The following IL17D variants were observed in gnomAD, a reference collection of about 807,000 sequenced individuals.
IL17D encodes interleukin 17D, also known as interleukin-17D.
In IL17D, 10 loss-of-function variants were observed where a neutral mutation model predicts 5.7. The ratio of observed to expected loss-of-function variants is 1.75; its 90% CI spans 1.08 to 2.97. The LOEUF is 2.97. Ranked by LOEUF, IL17D falls within the 30% of genes most tolerant of loss-of-function variation. The pLI is 0.00. For missense variants in IL17D, 354 were observed against 292.7 expected (o/e 1.21, Z -1.53); for synonymous variants, 172 against 141.7 (o/e 1.21, Z -1.52).
Position 20,721,922 on chromosome 13 carries a change from C to A in IL17D, c.577C>A (p.Leu193Met). The A allele has an allele frequency of 6.2e-7, 1 of 1,602,818 alleles. No homozygotes were observed. Residue 193 changes from leucine to methionine, a missense_variant, in exon 2 of 2, where the codon CTG becomes ATG. Physicochemically the swap from Leu to Met is conservative, Grantham distance 15. Transcript: ENST00000682841. ...CGACAAACAGGGCGCCAAGCTCCTG[C>A]TGGGCCCCAACGACGCGCCCGCTGG... ...SIDKQGAKLL[L>M]GPNDAPAGP
At chr13:20,703,428 T>G, upstream of IL17D, 1 of 985,636 alleles carries the variant, frequency 1.0e-6, no homozygotes, top group African/African-American at 1.7e-5. Flanking sequence ...AGTCGGCTTC[T>G]CGGTCCGAGT....
chr13:20,720,218 C>T (rs1308996815), intron 1 of IL17D, among the ~76,000 whole-genome samples: 1 of 152,156 alleles, frequency 6.6e-6, no homozygotes, highest in Non-Finnish European at 1.5e-5. Context: ...ATTTGTTCTC[C>T]CTCCATGTGC....
At chr13:20,709,350 C>T (rs955326922) in intron 1 of IL17D, among the ~76,000 whole-genome samples, 1 of 152,084 alleles carries the variant, frequency 6.6e-6, no homozygotes, top group African/African-American at 2.4e-5. Flanking sequence ...GATATGTGTA[C>T]AAGGATATGT....
upstream of IL17D, chr13:20,701,922 G>A (rs1335648410): frequency 6.6e-6 from 1 of 152,134 alleles, no homozygotes; most frequent in Non-Finnish European, 1.5e-5. Flanking sequence ...CCGGGGGGGT[G>A]GTGAGGAAGA....
intron 1 of IL17D, among the ~76,000 whole-genome samples, chr13:20,707,702 T>G (rs2058601479): frequency 6.6e-6 from 1 of 152,076 alleles, no homozygotes; most frequent in Non-Finnish European, 1.5e-5. Context: ...TTTGTTTTGT[T>G]TTTTAGAGAT....
chr13:20,714,744 T>C (rs967580584), intron 1 of IL17D, among the ~76,000 whole-genome samples: 2 of 152,214 alleles, frequency 1.3e-5, no homozygotes, highest in Admixed American at 1.3e-4. Flanking sequence ...GATTTTTCCA[T>C]GTCCTGTTTC....
chr13:20,718,612 C>T lies in IL17D; in HGVS notation c.291-3024C>T, dbSNP rs555264356. On this transcript the variant is annotated intron_variant, in intron 1 of 1. Transcript: ENST00000682841. ...CCACACACCTGCCCACACTCAGACA[C>T]ACCTGCCCCCCACACACAGGCCCAC... Among the ~76,000 whole-genome samples the T allele has an allele frequency of 2.2e-3, 283 of 128,326 alleles. 2 individuals carry two copies. The highest frequency in any genetic ancestry group is 8.9e-3 in the African/African-American group (267 of 29,880). The allele number at this position is 128,326 out of a possible 152,430, so 84.2% of individuals were successfully genotyped here. A position where few individuals can be genotyped will look rare whatever the true frequency, so the allele number is the denominator to read the frequency against.
At chr13:20,710,560 C>T (rs911374273) in intron 1 of IL17D, among the ~76,000 whole-genome samples, 10 of 129,720 alleles carry the variant, frequency 7.7e-5, no homozygotes, top group Admixed American at 1.7e-4. Flanking sequence ...ACCTGGGAGG[C>T]GGAGGTTGCG....
intron 1 of IL17D, among the ~76,000 whole-genome samples, chr13:20,710,210 T>C (rs1342554220): frequency 1.3e-5 from 2 of 152,166 alleles, no homozygotes; most frequent in African/African-American, 4.8e-5. Flanking sequence ...ATAAAGTCAA[T>C]TGGGTTGCTC....
intron 1 of IL17D, among the ~76,000 whole-genome samples, chr13:20,707,337 G>A (rs2058598510): frequency 6.6e-6 from 1 of 151,118 alleles, no homozygotes; most frequent in African/African-American, 2.4e-5. Context: ...GTTTGCCTGT[G>A]GTCCCAGCTA....
At chr13:20,708,124 G>T (rs1020615892) in intron 1 of IL17D, among the ~76,000 whole-genome samples, 2 of 152,210 alleles carry the variant, frequency 1.3e-5, no homozygotes, top group Non-Finnish European at 2.9e-5. Context: ...TGTTGGCCAG[G>T]CTGGTCTCGA....
At chr13:20,708,613 TAAG>T (rs1023647705) in intron 1 of IL17D, among the ~76,000 whole-genome samples, 1 of 151,674 alleles carries the variant, frequency 6.6e-6, no homozygotes, top group African/African-American at 2.4e-5. Flanking sequence ...TAAAGTAAAA[TAAG>T]AAAAATACAA....
At chr13:20,703,169 G>T, upstream of IL17D, 1 of 548,146 alleles carries the variant, frequency 1.8e-6, no homozygotes, top group Non-Finnish European at 2.3e-6. Context: ...CTGAGCGCGC[G>T]ACCCCAGGCC....
intron 1 of IL17D, chr13:20,712,874 T>A (rs1176701346): frequency 6.6e-6 from 1 of 151,906 alleles, no homozygotes; most frequent in Non-Finnish European, 1.5e-5. Flanking sequence ...GGATGGGAGG[T>A]GCTTTTCTTT....
chr13:20,718,095 GGAAT>G (rs1042052932), intron 1 of IL17D, among the ~76,000 whole-genome samples: 5 of 152,124 alleles, frequency 3.3e-5, no homozygotes, highest in Non-Finnish European at 7.4e-5. Context: ...AGTCCACAGA[GGAAT>G]GCCTGACCCG....
upstream of IL17D, chr13:20,702,706 CG>C (rs1391827482): frequency 6.6e-6 from 1 of 152,268 alleles, no homozygotes; most frequent in African/African-American, 2.4e-5. Flanking sequence ...CCAACATCGT[CG>C]TCATAGACCA....
chr13:20,702,800 G>A (rs977022852), upstream of IL17D: 7 of 152,144 alleles, frequency 4.6e-5, no homozygotes, highest in African/African-American at 1.2e-4. Flanking sequence ...TAGAGGCACA[G>A]GATCATTTCA....
In IL17D at chr13:20,716,041, G is replaced by A. The variant is rs1362644385; in HGVS notation, c.291-5595G>A. 9 of 980,720 alleles carry A rather than the reference G, an allele frequency of 9.2e-6. No individual in the cohort carries two copies. The highest frequency in any genetic ancestry group is 7.0e-5 in the African/African-American group (4 of 57,104). The allele number at this position is 980,720 out of a possible 1,614,324, so 60.8% of individuals were successfully genotyped here. A position where few individuals can be genotyped will look rare whatever the true frequency, so the allele number is the denominator to read the frequency against. On this transcript the variant is annotated intron_variant, in intron 1 of 1. Transcript: ENST00000682841. This position sits in a 1 kb window ranked among gnomAD's most constrained non-coding sequence, Gnocchi z 4.2. ...TGAGCCACCGCGCCCGGCCAGAATC[G>A]ACACTTTTAACAGGAGTCCCATATA...
intron 1 of IL17D, chr13:20,713,018 A>G (rs1171044713): frequency 1.0e-5 from 1 of 98,430 alleles, no homozygotes; most frequent in Admixed American, 1.4e-4. Flanking sequence ...TTTCTTTTTT[A>G]TAACGTTTTT....
Sources: gnomAD v4.1 joint callset for allele counts (sites outside exome capture counted in the v4.1 genomes callset) on GRCh38, gnomAD v4.1.1 for gene constraint, Gnocchi (gnomAD v3.1) non-coding constraint, MANE v1.5 for transcripts, NCBI Gene and HGNC (gene_info 2026-07-23, HGNC 2026-07-21) for gene names.